PRKAR2B: variants seen among roughly 807,000 people sequenced by gnomAD.
PRKAR2B encodes protein kinase cAMP-dependent type II regulatory subunit beta, also known as cAMP-dependent protein kinase type II-beta regulatory subunit.
Under a neutral mutation model 49.9 loss-of-function variants are expected in PRKAR2B, and 14 were observed. The ratio of observed to expected loss-of-function variants is 0.28; its 90% CI spans 0.19 to 0.44. PRKAR2B has a LOEUF of 0.44. Among genes scored for constraint, PRKAR2B ranks in the 20% least tolerant of loss-of-function variants. The pLI is 1.00. For synonymous variants in PRKAR2B, 196 were observed against 197.7 expected (o/e 0.99, Z 0.07); for missense variants, 393 against 537.9 (o/e 0.73, Z 2.67).
At chr7:107,103,381 C>T (rs1176317492) in intron 2 of PRKAR2B, among the ~76,000 whole-genome samples, 1 of 152,100 alleles carries the variant, frequency 6.6e-6, no homozygotes, top group Non-Finnish European at 1.5e-5. Context: ...GTAGGCAAAC[C>T]CCAGGGTTCT....
At chr7:107,070,737 G>T (rs1291944687) in intron 2 of PRKAR2B, among the ~76,000 whole-genome samples, 6 of 151,938 alleles carry the variant, frequency 3.9e-5, no homozygotes, top group African/African-American at 7.2e-5. Context: ...GTGTTTTTTT[G>T]TTTGTTTGTT....
chr7:107,122,015 T>A lies in PRKAR2B; in HGVS notation c.396+11T>A. 6.4e-7 allele frequency: 1 copy of A among 1,565,010 alleles called. No individual in the cohort carries two copies. Among genetic ancestry groups the A allele is most frequent in the South Asian group, 1.2e-5 (1 of 86,468 alleles). On this transcript the variant is annotated intron_variant, in intron 3 of 10. Coordinates refer to ENST00000265717, the MANE Select transcript of PRKAR2B (RefSeq NM_002736.3). Reference sequence around the variant, plus strand: ...GATGCAGAGTCCAGGGTATGTAATTTACTGAATGAATGAATTTTAAATTGA... The same window carrying A: ...GATGCAGAGTCCAGGGTATGTAATTAACTGAATGAATGAATTTTAAATTGA...
intron 2 of PRKAR2B, among the ~76,000 whole-genome samples, chr7:107,079,772 A>G (rs1013758922): frequency 3.9e-5 from 6 of 152,018 alleles, no homozygotes; most frequent in African/African-American, 1.2e-4. Flanking sequence ...CTTTTTCCCT[A>G]TGCTTAACAG....
At chr7:107,104,159 G>A (rs1292858492) in intron 2 of PRKAR2B, among the ~76,000 whole-genome samples, 1 of 152,076 alleles carries the variant, frequency 6.6e-6, no homozygotes, top group African/African-American at 2.4e-5. Flanking sequence ...AGCCTCCCAA[G>A]TAGCTAGGAC....
intron 2 of PRKAR2B, among the ~76,000 whole-genome samples, chr7:107,109,492 G>C (rs1442837700): frequency 6.6e-6 from 1 of 151,032 alleles, no homozygotes; most frequent in Non-Finnish European, 1.5e-5. Flanking sequence ...CAAACACCTG[G>C]ACTCAAGCAG....
At chr7:107,059,817 A>T (rs767395559) in intron 1 of PRKAR2B, among the ~76,000 whole-genome samples, 12 of 152,084 alleles carry the variant, frequency 7.9e-5, no homozygotes, top group Non-Finnish European at 1.5e-4. Flanking sequence ...ACCTTGCAAG[A>T]GTCCATAGGA....
chr7:107,128,635 G>C (rs988335847), intron 4 of PRKAR2B, among the ~76,000 whole-genome samples: 4 of 152,084 alleles, frequency 2.6e-5, no homozygotes, highest in Non-Finnish European at 4.4e-5. Context: ...TGCCCTCTTC[G>C]TACCCATCAG....
intron 1 of PRKAR2B, 187 bp from the exon 2 acceptor site, chr7:107,070,094 C>T: frequency 4.4e-6 from 2 of 457,778 alleles, no homozygotes; most frequent in South Asian, 6.4e-5. Flanking sequence ...ATACTGATTT[C>T]AATTTATATT....
chr7:107,150,698 T>TAAAAAAAAAAAAAAA (rs58258955), intron 6 of PRKAR2B, among the ~76,000 whole-genome samples: 1 of 140,630 alleles, frequency 7.1e-6, no homozygotes, highest in Non-Finnish European at 1.5e-5. Context: ...ATGCTTTCTT[T>TAAAAAAAAAAAAAAA]AAAAAAAAAA....
At chr7:107,143,498 T>C (rs1584450923) in intron 5 of PRKAR2B, among the ~76,000 whole-genome samples, 1 of 152,252 alleles carries the variant, frequency 6.6e-6, no homozygotes, top group African/African-American at 2.4e-5. Flanking sequence ...CTGGTGCAGG[T>C]ATTCTGGGGA....
chr7:107,144,427 G>A lies in PRKAR2B; in HGVS notation c.588-1881G>A, dbSNP rs1795851163. Among the ~76,000 whole-genome samples, 3 of 151,854 alleles carry A rather than the reference G, an allele frequency of 2.0e-5. No individual in the cohort carries two copies. In the South Asian group the frequency reaches 6.2e-4, roughly 32 times the overall value. Reference sequence around the variant, plus strand: ...TTCTTCTGTCTATCATGTTTCTGCTGTTATTGCTTCTTTATTATTAATAAT... The same window carrying A: ...TTCTTCTGTCTATCATGTTTCTGCTATTATTGCTTCTTTATTATTAATAAT... On this transcript the variant is annotated intron_variant, in intron 5 of 10. Coordinates refer to ENST00000265717, the MANE Select transcript of PRKAR2B (RefSeq NM_002736.3).
At chr7:107,158,208 G>A (rs1414629718) in intron 10 of PRKAR2B, among the ~76,000 whole-genome samples, 1 of 152,004 alleles carries the variant, frequency 6.6e-6, no homozygotes, top group Non-Finnish European at 1.5e-5. Context: ...AATAGTAAAG[G>A]TGAGTGAGTG....
At chr7:107,116,033 A>G (rs1282962931) in intron 2 of PRKAR2B, among the ~76,000 whole-genome samples, 2 of 152,212 alleles carry the variant, frequency 1.3e-5, no homozygotes, top group African/African-American at 4.8e-5. Flanking sequence ...TGTTATTTTG[A>G]GTCACTGAGA....
chr7:107,107,609 T>A (rs1305578887), intron 2 of PRKAR2B, among the ~76,000 whole-genome samples: 1 of 151,846 alleles, frequency 6.6e-6, no homozygotes, highest in East Asian at 2.0e-4. Flanking sequence ...TTATGAGGTA[T>A]GAATGGGTAG....
Position 107,045,131 on chromosome 7 carries a change from A to C in PRKAR2B, c.224A>C (p.Asn75Thr). 3 of 1,521,826 alleles carry C rather than the reference A, an allele frequency of 2.0e-6. No individual in the cohort carries two copies. The highest frequency in any genetic ancestry group is 2.6e-6 in the Non-Finnish European group (3 of 1,137,436). The allele number at this position is 1,521,826 out of a possible 1,614,324, so 94.3% of individuals were successfully genotyped here. A position where few individuals can be genotyped will look rare whatever the true frequency, so the allele number is the denominator to read the frequency against. The change falls in exon 1 of 11, where the codon AAC (asparagine) becomes ACC (threonine). Residue 75 changes from asparagine to threonine, a missense_variant. By Grantham distance (65) the Asn-to-Thr change is moderately conservative. Coordinates refer to ENST00000265717, the MANE Select transcript of PRKAR2B (RefSeq NM_002736.3). ...AGGGTPSKGVNFAEEPMQSDS... is the reference protein window; with the variant it reads ...AGGGTPSKGVTFAEEPMQSDS... ...GGCGGCACCCCCAGCAAGGGGGTCA[A>C]CTTCGCCGAGGAGCCCATGCAGTCC...
chr7:107,151,186 C>A (rs1187872714), intron 7 of PRKAR2B, among the ~76,000 whole-genome samples, 163 bp downstream of exon 7: 1 of 152,084 alleles, frequency 6.6e-6, no homozygotes, highest in Non-Finnish European at 1.5e-5. Context: ...CTCATTGTTT[C>A]TTCTGCTATC....
At chr7:107,054,041 C>T (rs2116750994) in intron 1 of PRKAR2B, among the ~76,000 whole-genome samples, 1 of 152,174 alleles carries the variant, frequency 6.6e-6, no homozygotes, top group East Asian at 1.9e-4. Context: ...TGTAAATATG[C>T]ATTAAGTAGT....
At chr7:107,088,745 G>A (rs1294926634) in intron 2 of PRKAR2B, among the ~76,000 whole-genome samples, 5 of 151,882 alleles carry the variant, frequency 3.3e-5, no homozygotes, top group Non-Finnish European at 5.9e-5. Flanking sequence ...GGCTACAGGC[G>A]TGTGTTACCA....
chr7:107,075,514 C>T (rs1289339937), intron 2 of PRKAR2B, among the ~76,000 whole-genome samples: 1 of 151,984 alleles, frequency 6.6e-6, no homozygotes, highest in Non-Finnish European at 1.5e-5. Context: ...ATCCTTCCAC[C>T]TCACCCTCCC....
Sources: allele counts gnomAD v4.1 joint callset (sites outside exome capture counted in the v4.1 genomes callset), GRCh38; gene constraint gnomAD v4.1.1; transcripts MANE v1.5; gene names NCBI Gene and HGNC (gene_info 2026-07-23, HGNC 2026-07-21).